Variants in WDR7 observed in about 807,000 individuals in gnomAD.
WDR7 encodes the protein WD repeat domain 7.
A neutral mutation model predicts 169.4 loss-of-function variants in WDR7; 46 were observed. The ratio of observed to expected loss-of-function variants is 0.27; its 90% confidence interval spans 0.21 to 0.35. The LOEUF is 0.35. Ranked by LOEUF, WDR7 falls within the 10% of genes least tolerant of loss-of-function variation. The probability of loss-of-function intolerance (pLI) is 1.00; values close to 1 mark genes in which losing one functional copy is unlikely to be tolerated. For missense variants in WDR7, 1,534 were observed against 1,859.3 expected (o/e 0.83, Z 3.22); for synonymous variants, 612 against 666.8 (o/e 0.92, Z 1.27).
intron 20 of WDR7, among the ~76,000 whole-genome samples, chr18:56,876,128 A>G (rs1400327908): frequency 2.6e-5 from 4 of 152,108 alleles, no homozygotes; most frequent in African/African-American, 9.7e-5. Flanking sequence ...ACCTCCAGTA[A>G]TACAGAATGA....
chr18:56,708,015 AT>A (rs1177787542), intron 12 of WDR7, among the ~76,000 whole-genome samples: 2 of 149,932 alleles, frequency 1.3e-5, no homozygotes, highest in Admixed American at 6.7e-5. Flanking sequence ...AGGTGTGTGA[AT>A]TCAGTGTTTA....
intron 20 of WDR7, among the ~76,000 whole-genome samples, chr18:56,866,023 G>C (rs1280245808): frequency 1.3e-5 from 2 of 151,986 alleles, no homozygotes; most frequent in Non-Finnish European, 2.9e-5. Flanking sequence ...GTTGGCATAG[G>C]CATCAAATAT....
chr18:56,670,020 G>A (rs868856547), intron 1 of WDR7, among the ~76,000 whole-genome samples: 4 of 152,040 alleles, frequency 2.6e-5, no homozygotes, highest in Non-Finnish European at 2.9e-5. Context: ...GTGTGTCTTG[G>A]CTCATCCGTT....
At chr18:57,023,844 T>C (rs2048322860) in intron 27 of WDR7, among the ~76,000 whole-genome samples, 1 of 152,180 alleles carries the variant, frequency 6.6e-6, no homozygotes, top group South Asian at 2.1e-4. Flanking sequence ...GATAATAAAT[T>C]AGGTAGATAC....
rs561167851 is a variant in WDR7, at chr18:56,938,856, C to G, written c.3981+174C>G. Among the ~76,000 whole-genome samples, 42 of 142,352 alleles carry G rather than the reference C, an allele frequency of 3.0e-4. No individual in the cohort carries two copies. The South Asian group carries it at 9.5e-3, about 32-fold the overall frequency. 93.4% of individuals were successfully genotyped at this position (142,352 alleles called of 152,430 possible). A position where few individuals can be genotyped will look rare whatever the true frequency, so the allele number is the denominator to read the frequency against. On this transcript the variant is annotated intron_variant, in intron 24 of 27. Coordinates refer to ENST00000254442, the MANE Select transcript of WDR7 (RefSeq NM_015285.3). ...GTGTGTGTGTGTAAGAGAGAGATAACTAAAATTAACTTTTGTGCCATTTCT... is the reference window on the plus strand; with the variant it reads ...GTGTGTGTGTGTAAGAGAGAGATAAGTAAAATTAACTTTTGTGCCATTTCT...
intron 12 of WDR7, among the ~76,000 whole-genome samples, chr18:56,716,831 A>T (rs1335517581): frequency 6.6e-6 from 1 of 152,242 alleles, no homozygotes; most frequent in Non-Finnish European, 1.5e-5. Flanking sequence ...TAAAAACAAC[A>T]GCTACTACCC....
In WDR7 at chr18:56,815,983, T is replaced by C. The variant is rs548596897; in HGVS notation, c.3191-48T>C. 4.1e-6 allele frequency: 6 copies of C among 1,448,006 alleles called. No individual in the cohort carries two copies. The South Asian group carries it at 5.4e-5, about 13-fold the overall frequency. 89.7% of individuals were successfully genotyped at this position (1,448,006 alleles called of 1,614,324 possible). On this transcript the variant is annotated intron_variant, in intron 19 of 27. Transcript: ENST00000254442. ...AAATCTTCAAACTTTCTGTTTGCTT[T>C]ACTTTTCATTTTTTGAAGTGAAGCC... is the stretch of plus-strand genomic sequence containing the variant.
chr18:56,864,567 A>G (rs551025319), intron 20 of WDR7, among the ~76,000 whole-genome samples: 103 of 151,970 alleles, frequency 6.8e-4, no homozygotes, highest in African/African-American at 2.4e-3. Flanking sequence ...CATCAAATTT[A>G]TACATTTGAT....
At position 56,909,449 on chromosome 18, in the gene WDR7, G is replaced by A. The variant is rs536079996; in HGVS notation, c.3527-14473G>A. On this transcript the variant is annotated intron_variant, in intron 21 of 27. Transcript: ENST00000254442. ...GGAAAAGATTGTGCACTATTGTTCTGTGATATACTGCCTAGACATGAAATT... is the reference window on the plus strand; with the variant it reads ...GGAAAAGATTGTGCACTATTGTTCTATGATATACTGCCTAGACATGAAATT... Among the ~76,000 whole-genome samples, 74 of 152,198 alleles carry A rather than the reference G, an allele frequency of 4.9e-4. 1 individual carries two copies. The South Asian group carries it at 0.015, about 32-fold the overall frequency.
At chr18:57,008,152 C>G (rs114205739) in intron 26 of WDR7, among the ~76,000 whole-genome samples, 84 of 152,238 alleles carry the variant, frequency 5.5e-4, no homozygotes, top group African/African-American at 1.9e-3. Flanking sequence ...GGTCTTCTTT[C>G]GTTTGTGCCT....
intron 26 of WDR7, among the ~76,000 whole-genome samples, chr18:57,014,185 G>A (rs2048175452): frequency 6.6e-6 from 1 of 151,788 alleles, no homozygotes; most frequent in Admixed American, 6.6e-5. Flanking sequence ...AATTAGCTGG[G>A]CGTCATGGCA....
intron 12 of WDR7, among the ~76,000 whole-genome samples, chr18:56,696,702 G>A (rs1208758499): frequency 6.6e-6 from 1 of 152,104 alleles, no homozygotes; most frequent in African/African-American, 2.4e-5. Context: ...AAAATGGTCT[G>A]GCTTCTTTCT....
chr18:56,857,081 G>C (rs1031542826), intron 20 of WDR7, among the ~76,000 whole-genome samples: 11 of 152,224 alleles, frequency 7.2e-5, no homozygotes, highest in African/African-American at 2.4e-4. Flanking sequence ...TGTAAATTCT[G>C]TGGGCAATAT....
At chr18:57,032,958 G>T (rs1021414669), downstream of WDR7, 2 of 151,346 alleles carry the variant, frequency 1.3e-5, no homozygotes, top group African/African-American at 2.4e-5. Flanking sequence ...GTGCAAAAAA[G>T]GTTGGGAAAT....
intron 21 of WDR7, among the ~76,000 whole-genome samples, chr18:56,890,555 G>A (rs528334439): frequency 1.1e-4 from 17 of 152,246 alleles, no homozygotes; most frequent in Admixed American, 1.0e-3. Context: ...TAGCAACAAT[G>A]ACAAGCCATT....
chr18:56,983,872 G>C (rs1344088259), intron 26 of WDR7, among the ~76,000 whole-genome samples: 1 of 152,092 alleles, frequency 6.6e-6, no homozygotes, highest in African/African-American at 2.4e-5. Flanking sequence ...TAAGGGATCA[G>C]TGATTTGTTT....
chr18:56,757,088 C>T lies in WDR7; in HGVS notation c.2495C>T (p.Thr832Ile). 1 of 1,614,136 alleles carries T rather than the reference C, an allele frequency of 6.2e-7. No homozygotes were observed. Among genetic ancestry groups the T allele is most frequent in the Non-Finnish European group, 8.5e-7 (1 of 1,180,028 alleles). Residue 832 changes from threonine to isoleucine, a missense_variant, in exon 15 of 28, where the codon ACC becomes ATC. Thr to Ile is a moderately conservative substitution (Grantham distance 89). Coordinates refer to ENST00000254442, the MANE Select transcript of WDR7 (RefSeq NM_015285.3). ...DRLGMLKPHC[T>I]VSFGLLSRGG... ...CTTGGAATGCTGAAACCCCACTGCACCGTATCGTTTGGCCTCTTGTCAAGA... is the reference window on the plus strand; with the variant it reads ...CTTGGAATGCTGAAACCCCACTGCATCGTATCGTTTGGCCTCTTGTCAAGA...
intron 1 of WDR7, among the ~76,000 whole-genome samples, chr18:56,663,420 G>A (rs2144465350): frequency 6.6e-6 from 1 of 152,306 alleles, no homozygotes; most frequent in African/African-American, 2.4e-5. Context: ...TGATTATGGT[G>A]TTGATAATAG....
chr18:56,893,209 A>G (rs746047073), intron 21 of WDR7, among the ~76,000 whole-genome samples: 4 of 151,108 alleles, frequency 2.6e-5, no homozygotes, highest in South Asian at 4.2e-4. Context: ...TTTTTTCTGC[A>G]TTAGGACATT....
Sources: allele counts gnomAD v4.1 joint callset (sites outside exome capture counted in the v4.1 genomes callset), GRCh38; gene constraint gnomAD v4.1.1; transcripts MANE v1.5; gene names NCBI Gene and HGNC (gene_info 2026-07-23, HGNC 2026-07-21).